HEATR1: variants seen among roughly 807,000 people sequenced by gnomAD.
The protein encoded by HEATR1 is HEAT repeat containing 1.
Under a neutral mutation model 248.2 loss-of-function variants are expected in HEATR1, and 77 were observed. The ratio of observed to expected loss-of-function variants is 0.31; its 90% confidence interval spans 0.26 to 0.37. The LOEUF (loss-of-function observed/expected upper bound fraction) is 0.37. Among genes scored for constraint, HEATR1 ranks in the 10% least tolerant of loss-of-function variants. The pLI is 1.00. For missense variants in HEATR1, 2,420 were observed against 2,504.9 expected (o/e 0.97, Z 0.72); for synonymous variants, 897 against 923.1 (o/e 0.97, Z 0.51).
At chr1:236,568,836 A>G (rs1194212113) in intron 29 of HEATR1, among the ~76,000 whole-genome samples, 160 bp downstream of exon 29, 2 of 151,092 alleles carry the variant, frequency 1.3e-5, no homozygotes, top group East Asian at 3.9e-4. Flanking sequence ...ACTTAAGGGC[A>G]ATGTACTTCA....
chr1:236,585,182 G>A lies in HEATR1; in HGVS notation c.2084C>T (p.Ser695Phe). The change falls in exon 17 of 45, where the codon TCC becomes TTC. Residue 695 changes from serine to phenylalanine, a missense_variant. Physicochemically the swap from Ser to Phe is radical, Grantham distance 155. Transcript: ENST00000366582. ...EDLISVGEEE[S>F]FNLKQKVTFH... is the part of the protein sequence containing the mutation. The stretch of plus-strand genomic sequence containing the variant: ...CGTTACTTTCTGCTTCAGGTTAAAG[G>A]ACTCCTCCTCACCCACGCTTATTAA... 1 of 1,613,680 alleles carries A rather than the reference G, an allele frequency of 6.2e-7. No homozygotes were observed. Among genetic ancestry groups the A allele is most frequent in the Admixed American group, 1.7e-5 (1 of 59,976 alleles).
At chr1:236,601,908 G>T (rs149921941) in intron 3 of HEATR1, among the ~76,000 whole-genome samples, 141 of 151,622 alleles carry the variant, frequency 9.3e-4, no homozygotes, top group African/African-American at 3.2e-3. Flanking sequence ...AAGACGAGTG[G>T]ATCACGAGGT....
At chr1:236,593,584 GAAAA>G (rs534009257) in intron 9 of HEATR1, among the ~76,000 whole-genome samples, 3,165 of 90,900 alleles carry the variant, frequency 0.035, 23 homozygotes, top group Middle Eastern at 0.06. Context: ...CCCATTAAGA[GAAAA>G]AAAAAAAAAA....
At chr1:236,584,937 G>A in intron 17 of HEATR1, 88 bp downstream of exon 17, 2 of 1,129,112 alleles carry the variant, frequency 1.8e-6, no homozygotes, top group African/African-American at 1.6e-5. Context: ...TCAACATCTC[G>A]CCTCTGATTT....
In HEATR1 at chr1:236,574,171, T is replaced by C. The variant is rs746303694; in HGVS notation, c.3459+31A>G. 7 of 1,569,038 alleles carry C rather than the reference T, an allele frequency of 4.5e-6. No homozygotes were observed. In the East Asian group the frequency reaches 1.1e-4, roughly 25 times the overall value. Reference sequence around the variant, plus strand: ...CCTTGGAAGAGACTATAAACATTAATAAAAAAAATTACAAGAAGTTTGCAG... The same window carrying C: ...CCTTGGAAGAGACTATAAACATTAACAAAAAAAATTACAAGAAGTTTGCAG... On this transcript the variant is annotated intron_variant, in intron 24 of 44. Transcript: ENST00000366582.
Position 236,557,362 on chromosome 1 carries a change from A to G in HEATR1, c.5205-17T>C. ...GGCATCAGGCTAGAAACAAAGTAAG[A>G]GCTTTAGAAGAACTTGAAGCAGAAA... is the stretch of plus-strand genomic sequence containing the variant. On this transcript the variant is annotated splice_polypyrimidine_tract_variant and intron_variant, in intron 36 of 44. Transcript: ENST00000366582. 1 of 1,611,328 alleles carries G rather than the reference A, an allele frequency of 6.2e-7. No individual in the cohort carries two copies. Among genetic ancestry groups the G allele is most frequent in the South Asian group, 1.1e-5 (1 of 90,868 alleles).
chr1:236,586,088 T>G (rs1164812836), intron 15 of HEATR1, 147 bp from the exon 16 acceptor site: 1 of 1,265,138 alleles, frequency 7.9e-7, no homozygotes. Flanking sequence ...GTCTATGAAT[T>G]GGCTTCCTTT....
chr1:236,566,736 C>T lies in HEATR1; in HGVS notation c.4218G>A (p.Leu1406=), dbSNP rs1334051130. The stretch of plus-strand genomic sequence containing the variant: ...GAATCCAGAGGAATTTCTCTGCACC[C>T]AGTGTATCAACAAGTTGAACAAGGA... ...LPILVQLVDT[L]GAEKFLWILL... is the part of the protein sequence containing the mutation. The change falls in exon 30 of 45, where the codon CTG becomes CTA. Residue 1406 remains leucine (L), a synonymous_variant. Coordinates refer to ENST00000366582, the MANE Select transcript of HEATR1 (RefSeq NM_018072.6). 10 of 1,613,974 alleles carry T rather than the reference C, an allele frequency of 6.2e-6. No individual in the cohort carries two copies. The highest frequency in any genetic ancestry group is 1.3e-5 in the African/African-American group (1 of 74,910).
In HEATR1 at chr1:236,556,091, A is replaced by G; in HGVS notation, c.5514+9T>C. The stretch of plus-strand genomic sequence containing the variant: ...TTCTCCAAAGTCTTAATACCCAATA[A>G]GATCTAACCTTCCAGTTCTTCTCAA... On this transcript the variant is annotated intron_variant, in intron 38 of 44. Coordinates refer to ENST00000366582, the MANE Select transcript of HEATR1 (RefSeq NM_018072.6). 6.2e-7 allele frequency: 1 copy of G among 1,614,176 alleles called. No homozygotes were observed. Among genetic ancestry groups the G allele is most frequent in the Non-Finnish European group, 8.5e-7 (1 of 1,180,040 alleles).
intron 9 of HEATR1, among the ~76,000 whole-genome samples, chr1:236,593,298 A>G (rs527246270): frequency 6.6e-6 from 1 of 152,208 alleles, no homozygotes; most frequent in Admixed American, 6.5e-5. Flanking sequence ...TGTGCCACAG[A>G]GTGGGGTTTC....
At position 236,583,269 on chromosome 1, in the gene HEATR1, A is replaced by G. The variant is rs1663802019; in HGVS notation, c.2242-73T>C. 3 of 1,313,466 alleles carry G rather than the reference A, an allele frequency of 2.3e-6. No individual in the cohort carries two copies. The African/African-American group carries it at 4.4e-5, about 19-fold the overall frequency. 81.4% of individuals were successfully genotyped at this position (1,313,466 alleles called of 1,614,324 possible). A position where few individuals can be genotyped will look rare whatever the true frequency, so the allele number is the denominator to read the frequency against. On this transcript the variant is annotated intron_variant, in intron 17 of 44. Transcript: ENST00000366582. ...ACATGGGTTATATGAATTCCTCTGCATAATATGCAAAAGTTTTGTTTATGT... is the reference window on the plus strand; with the variant it reads ...ACATGGGTTATATGAATTCCTCTGCGTAATATGCAAAAGTTTTGTTTATGT...
chr1:236,603,038 A>G, intron 3 of HEATR1, 122 bp downstream of exon 3: 1 of 667,742 alleles, frequency 1.5e-6, no homozygotes, highest in South Asian at 1.9e-5. Flanking sequence ...CACAATGGAC[A>G]TTGTATCAAT....
At chr1:236,551,562 C>T (rs1488596991) in intron 44 of HEATR1, 2 of 159,632 alleles carry the variant, frequency 1.3e-5, no homozygotes, top group South Asian at 1.9e-4. Flanking sequence ...AAGTAAAGCA[C>T]CTAACATGGA....
chr1:236,576,400 G>A, intron 21 of HEATR1, 23 bp from the exon 22 acceptor site: 2 of 1,521,024 alleles, frequency 1.3e-6, no homozygotes, highest in Non-Finnish European at 1.8e-6. Context: ...AAAGAAAATT[G>A]GATAAAAAAG....
chr1:236,576,585 A>C (rs1345285894), intron 21 of HEATR1, among the ~76,000 whole-genome samples, 195 bp downstream of exon 21: 1 of 152,214 alleles, frequency 6.6e-6, no homozygotes, highest in Non-Finnish European at 1.5e-5. Flanking sequence ...CAATGAAAAG[A>C]ACTAAATTGA....
rs955451060 is a variant in HEATR1, at chr1:236,602,447, T to C, written c.359+713A>G. Among the ~76,000 whole-genome samples, 3 of 152,240 alleles carry C rather than the reference T, an allele frequency of 2.0e-5. No homozygotes were observed. In the South Asian group the frequency reaches 6.2e-4, roughly 31 times the overall value. On this transcript the variant is annotated intron_variant, in intron 3 of 44. Transcript: ENST00000366582. ...TGCAGATAAAGTGCTTACCAGGGCC[T>C]AGTGTATAAATGCTCAAAAACACAT...
At chr1:236,571,843 A>G (rs1203843493) in intron 26 of HEATR1, among the ~76,000 whole-genome samples, 157 bp from the exon 27 acceptor site, 1 of 152,250 alleles carries the variant, frequency 6.6e-6, no homozygotes, top group Admixed American at 6.5e-5. Flanking sequence ...GAAATAAGAT[A>G]TAAGATTTCT....
At position 236,574,096 on chromosome 1, in the gene HEATR1, T is replaced by C. The variant is rs10495379; in HGVS notation, c.3459+106A>G. 0.045 allele frequency: 42,918 copies of C among 960,104 alleles called. 1,619 individuals carry two copies. Among genetic ancestry groups the C allele is most frequent in the East Asian group, 0.13 (4,656 of 34,750 alleles). 59.5% of individuals were successfully genotyped at this position (960,104 alleles called of 1,614,324 possible). A position where few individuals can be genotyped will look rare whatever the true frequency, so the allele number is the denominator to read the frequency against. ...TCCATGATTTTTGTTAATGGTAACA[T>C]CTGACCTCTTACAAGCACTATAAAA... is the stretch of plus-strand genomic sequence containing the variant. On this transcript the variant is annotated intron_variant, in intron 24 of 44. Transcript: ENST00000366582.
intron 34 of HEATR1, among the ~76,000 whole-genome samples, chr1:236,559,402 C>T (rs935079829): frequency 9.2e-5 from 14 of 152,114 alleles, no homozygotes; most frequent in Admixed American, 2.0e-4. Flanking sequence ...ATCCTAACTT[C>T]GAGGCCAGTG....
Sources: gnomAD v4.1 joint callset for allele counts (sites outside exome capture counted in the v4.1 genomes callset) on GRCh38, gnomAD v4.1.1 for gene constraint, MANE v1.5 for transcripts, NCBI Gene and HGNC (gene_info 2026-07-23, HGNC 2026-07-21) for gene names.